PLS3: variants seen among roughly 807,000 people sequenced by gnomAD.
PLS3 encodes plastin-3.
PLS3 carries 11 observed loss-of-function variants against 46.5 expected under a neutral mutation model. That is an observed-to-expected ratio of 0.24 (90% CI 0.15 to 0.39). The LOEUF (loss-of-function observed/expected upper bound fraction) is 0.39. Ranked by LOEUF, PLS3 falls within the 10% of genes least tolerant of loss-of-function variation. The pLI, the probability that PLS3 is intolerant of heterozygous loss-of-function variation, is 1.00. For synonymous variants in PLS3, 167 were observed against 162.2 expected (o/e 1.03, Z -0.22); for missense variants, 308 against 461.8 (o/e 0.67, Z 3.05).
chrX:115,599,003 T>C (rs1236460880), intron 1 of PLS3, among the ~76,000 whole-genome samples: 1 of 111,445 alleles, frequency 9.0e-6, no homozygotes, highest in Admixed American at 9.6e-5. Context: ...GTGAATCCCT[T>C]ATCCTTTTAA....
Position 115,636,958 on chromosome X carries a change from A to G in PLS3, c.871A>G (p.Asn291Asp). 1 of 1,210,216 alleles carries G rather than the reference A, an allele frequency of 8.3e-7. No homozygotes were observed. The highest frequency in any genetic ancestry group is 1.8e-5 in the South Asian group (1 of 56,773). Residue 291 changes from asparagine (N) to aspartate (D), a missense_variant, in exon 8 of 16, where the codon AAC (asparagine) becomes GAC (aspartate). Coordinates refer to ENST00000355899, the MANE Select transcript of PLS3 (RefSeq NM_005032.7). The part of the protein sequence containing the change: ...LENSGWQKIN[N>D]FSADIKDSKA... ...AAACTCGGGCTGGCAAAAAATTAAC[A>G]ACTTTAGTGCTGACATCAAGGTAAC...
intron 6 of PLS3, among the ~76,000 whole-genome samples, chrX:115,634,578 A>G (rs2074811023): frequency 8.9e-6 from 1 of 111,845 alleles, no homozygotes; most frequent in East Asian, 2.8e-4. Flanking sequence ...TCACATGGAT[A>G]TATTTACTGT....
intron 13 of PLS3, among the ~76,000 whole-genome samples, chrX:115,646,868 C>G (rs972047978): frequency 4.5e-5 from 5 of 112,223 alleles, no homozygotes; most frequent in Admixed American, 9.5e-5. Flanking sequence ...AAAGATCTCT[C>G]TCTGTAATGC....
intron 1 of PLS3, among the ~76,000 whole-genome samples, chrX:115,595,824 G>C (rs1314418940): frequency 2.8e-5 from 3 of 108,379 alleles, no homozygotes; most frequent in African/African-American, 1.0e-4. Context: ...GAGTAGCTGG[G>C]ATTACAGGCA....
chrX:115,636,193 C>T (rs1334178914), intron 7 of PLS3, among the ~76,000 whole-genome samples: 1 of 107,026 alleles, frequency 9.3e-6, no homozygotes, highest in Non-Finnish European at 1.9e-5. Context: ...CATCTTTCCC[C>T]CAAATCCCTG....
rs373381875 is a variant in PLS3, at chrX:115,578,508, G to A, written c.-9+17248G>A. Among the ~76,000 whole-genome samples, 8 of 109,768 alleles carry A rather than the reference G, an allele frequency of 7.3e-5. No individual in the cohort carries two copies. In the East Asian group the frequency reaches 2.0e-3, roughly 28 times the overall value. The stretch of plus-strand genomic sequence containing the variant: ...TGGGAGGCTGAGGCAGGCGGATCAC[G>A]AGGTTAGGAGATCGAGACCATCCTG... On this transcript the variant is annotated intron_variant, in intron 1 of 15. Transcript: ENST00000355899.
chrX:115,618,731 A>G (rs1188995516), intron 2 of PLS3, among the ~76,000 whole-genome samples: 1 of 111,327 alleles, frequency 9.0e-6, no homozygotes, highest in Non-Finnish European at 1.9e-5. Context: ...CCCCATCTCT[A>G]CTAAAAATAC....
At position 115,589,072 on chromosome X, in the gene PLS3, A is replaced by G. The variant is rs193016220; in HGVS notation, c.-8-21171A>G. On this transcript the variant is annotated intron_variant, in intron 1 of 15. Coordinates refer to ENST00000355899, the MANE Select transcript of PLS3 (RefSeq NM_005032.7). ...ACAGCTCACCTCCTGGGCTCAAGCT[A>G]TCCTCCTACCTCAGCCTCCCAAGTA... Among the ~76,000 whole-genome samples, 31 of 111,082 alleles carry G rather than the reference A, an allele frequency of 2.8e-4. No individual in the cohort carries two copies. The East Asian group carries it at 8.8e-3, about 32-fold the overall frequency.
chrX:115,571,357 A>T lies in PLS3; in HGVS notation c.-9+10097A>T, dbSNP rs782279898. The stretch of plus-strand genomic sequence containing the variant: ...ACATAGCAAAACTCTGTCTCTACTA[A>T]ATATACAAAAATTAGCCAGGCGTGT... On this transcript the variant is annotated intron_variant, in intron 1 of 15. Coordinates refer to ENST00000355899, the MANE Select transcript of PLS3 (RefSeq NM_005032.7). Among the ~76,000 whole-genome samples, 4 of 111,230 alleles carry T rather than the reference A, an allele frequency of 3.6e-5. 1 individual carries two copies. The South Asian group carries it at 1.5e-3, about 42-fold the overall frequency.
intron 2 of PLS3, among the ~76,000 whole-genome samples, chrX:115,616,051 A>G (rs1556636768): frequency 8.9e-6 from 1 of 111,848 alleles, no homozygotes; most frequent in African/African-American, 3.3e-5. Flanking sequence ...GGTGGTTGTG[A>G]TTTTAGTTTC....
At chrX:115,632,164 C>A (rs924928744) in intron 5 of PLS3, among the ~76,000 whole-genome samples, 1 of 111,213 alleles carries the variant, frequency 9.0e-6, no homozygotes, top group Admixed American at 9.6e-5. Flanking sequence ...ACTCACCCTG[C>A]AGAACTCAAA....
intron 1 of PLS3, among the ~76,000 whole-genome samples, chrX:115,590,339 C>T (rs1483180798): frequency 1.8e-5 from 2 of 111,106 alleles, no homozygotes; most frequent in African/African-American, 6.5e-5. Flanking sequence ...CCCTTGCCAC[C>T]GTCTTGCATT....
At chrX:115,638,665 A>G (rs2074862439) in intron 8 of PLS3, among the ~76,000 whole-genome samples, 1 of 111,764 alleles carries the variant, frequency 8.9e-6, no homozygotes. Flanking sequence ...ATTTTTGTAA[A>G]TGAAGCCTGC....
chrX:115,645,979 A>G (rs1216606853), intron 11 of PLS3, 93 bp from the exon 12 acceptor site: 3 of 512,588 alleles, frequency 5.9e-6, no homozygotes, highest in South Asian at 2.8e-5. Flanking sequence ...ATGGTTTTAT[A>G]TATCTTGTTT....
In PLS3 at chrX:115,649,714, A is replaced by T; in HGVS notation, c.*153A>T. ...GGACTAGCTTATCATGAGAGCCCTC[A>T]GGGGAAAGGGTTTAAGAAAAACAAC... On this transcript the variant is annotated 3_prime_UTR_variant, in exon 16 of 16. Coordinates refer to ENST00000355899, the MANE Select transcript of PLS3 (RefSeq NM_005032.7). The T allele has an allele frequency of 2.4e-6, 1 of 421,681 alleles. No individual in the cohort carries two copies. Among genetic ancestry groups the T allele is most frequent in the Non-Finnish European group, 3.9e-6 (1 of 256,234 alleles). 34.8% of individuals were successfully genotyped at this position (421,681 alleles called of 1,213,427 possible).
At chrX:115,576,735 T>C (rs2074251402) in intron 1 of PLS3, among the ~76,000 whole-genome samples, 1 of 111,266 alleles carries the variant, frequency 9.0e-6, no homozygotes, top group Non-Finnish European at 1.9e-5. Flanking sequence ...ACCTTGCAGA[T>C]CCTTTAGGAA....
At chrX:115,597,152 A>C (rs1556633992) in intron 1 of PLS3, among the ~76,000 whole-genome samples, 1 of 110,508 alleles carries the variant, frequency 9.0e-6, no homozygotes, top group Non-Finnish European at 1.9e-5. Context: ...CTCAAAACTA[A>C]TAATAATAAT....
chrX:115,569,035 CAAAAA>C (rs782042707), intron 1 of PLS3, among the ~76,000 whole-genome samples: 41 of 94,206 alleles, frequency 4.4e-4, no homozygotes, highest in South Asian at 1.4e-3. Flanking sequence ...GACTCCGTTT[CAAAAA>C]AAAAAAAAAA....
intron 5 of PLS3, among the ~76,000 whole-genome samples, chrX:115,632,880 C>A (rs1427238955): frequency 9.1e-6 from 1 of 109,639 alleles, no homozygotes; most frequent in Non-Finnish European, 1.9e-5. Context: ...TACAAGCATG[C>A]GCCACTATGC....
Sources: gnomAD v4.1 joint callset for allele counts (sites outside exome capture counted in the v4.1 genomes callset) on GRCh38, gnomAD v4.1.1 for gene constraint, MANE v1.5 for transcripts, NCBI Gene and HGNC (gene_info 2026-07-23, HGNC 2026-07-21) for gene names.